SLC17A1: variants seen among roughly 807,000 people sequenced by gnomAD.
SLC17A1 encodes sodium-dependent phosphate transport protein 1.
SLC17A1 carries 51 observed loss-of-function variants against 53.5 expected under a neutral mutation model. That is an observed-to-expected ratio of 0.95 (90% CI 0.76 to 1.20). The LOEUF is 1.20. SLC17A1 is among the 50% of genes most tolerant of loss of function. The pLI, the probability that SLC17A1 is intolerant of heterozygous loss-of-function variation, is 0.00. For missense variants in SLC17A1, 538 were observed against 568.2 expected (o/e 0.95, Z 0.54); for synonymous variants, 179 against 198.8 (o/e 0.90, Z 0.84).
At chr6:25,743,771 T>C in the SLC17A1 span, among the ~76,000 whole-genome samples, 1 of 152,146 alleles carries the variant, frequency 6.6e-6, no homozygotes, top group Non-Finnish European at 1.5e-5. Flanking sequence ...TTAGGTAATG[T>C]TTCAAGGAGT....
the SLC17A1 span, among the ~76,000 whole-genome samples, chr6:25,745,301 T>C: frequency 6.6e-6 from 1 of 152,144 alleles, no homozygotes; most frequent in Non-Finnish European, 1.5e-5. Context: ...AACTTGCAAG[T>C]GGTACCATGG....
chr6:25,726,880 G>C, the SLC17A1 span: 2 of 1,592,956 alleles, frequency 1.3e-6, no homozygotes, highest in Non-Finnish European at 1.7e-6. Flanking sequence ...GAAAAGAACC[G>C]TGTAACGCTG....
intron 10 of SLC17A1, among the ~76,000 whole-genome samples, chr6:25,807,208 AAAAC>A (rs1561832347): frequency 2.0e-5 from 3 of 151,266 alleles, no homozygotes; most frequent in African/African-American, 7.3e-5. Flanking sequence ...AATCATTGTA[AAAAC>A]AAACAGACAA....
intron 12 of SLC17A1, among the ~76,000 whole-genome samples, chr6:25,798,292 A>G (rs1237955053): frequency 6.6e-6 from 1 of 152,216 alleles, no homozygotes; most frequent in African/African-American, 2.4e-5. Flanking sequence ...ACAGTATTAT[A>G]CCTTGAACAC....
chr6:25,784,793 A>G (rs905618297), intron 12 of SLC17A1, among the ~76,000 whole-genome samples: 1 of 152,184 alleles, frequency 6.6e-6, no homozygotes, highest in Non-Finnish European at 1.5e-5. Context: ...AAGAGAGTGT[A>G]GATGAAGAAA....
chr6:25,746,780 C>T, the SLC17A1 span, among the ~76,000 whole-genome samples: 12 of 152,294 alleles, frequency 7.9e-5, no homozygotes, highest in African/African-American at 2.6e-4. Flanking sequence ...GCTATTCCAA[C>T]CTTGCGTATC....
At chr6:25,761,911 A>G in the SLC17A1 span, 8 of 1,450,484 alleles carry the variant, frequency 5.5e-6, 1 homozygote, top group South Asian at 8.3e-5. Flanking sequence ...TTTCTTTTGT[A>G]TTCTTTTTAT....
At chr6:25,727,376 T>A in the SLC17A1 span, 1 of 1,301,240 alleles carries the variant, frequency 7.7e-7, no homozygotes, top group Non-Finnish European at 1.0e-6. Context: ...GGCTTCGTTT[T>A]TGTGTAGTTT....
chr6:25,765,000 C>G, the SLC17A1 span, among the ~76,000 whole-genome samples: 2 of 152,174 alleles, frequency 1.3e-5, no homozygotes, highest in Non-Finnish European at 2.9e-5. Flanking sequence ...ACCCCTGCCA[C>G]CAGCCCACCC....
chr6:25,742,177 T>G, the SLC17A1 span, among the ~76,000 whole-genome samples: 1 of 152,186 alleles, frequency 6.6e-6, no homozygotes, highest in African/African-American at 2.4e-5. Context: ...GCACAGAGAC[T>G]TCTGGGCTTG....
At chr6:25,726,219 A>G in the SLC17A1 span, 1 of 1,612,374 alleles carries the variant, frequency 6.2e-7, no homozygotes, top group African/African-American at 1.3e-5. Flanking sequence ...CGCCCTGGGC[A>G]ATGGTCACGC....
At chr6:25,800,487 A>C (rs1330035575) in intron 11 of SLC17A1, among the ~76,000 whole-genome samples, 1 of 151,982 alleles carries the variant, frequency 6.6e-6, no homozygotes, top group Non-Finnish European at 1.5e-5. Flanking sequence ...CAAAAACAGA[A>C]GTCTGCCTTC....
chr6:25,727,187 C>T, the SLC17A1 span: 7 of 1,614,144 alleles, frequency 4.3e-6, no homozygotes, highest in Non-Finnish European at 5.9e-6. Context: ...CCATTTCTTC[C>T]AGAGAGATTC....
chr6:25,816,462 A>G (rs1764360769), intron 6 of SLC17A1, among the ~76,000 whole-genome samples: 1 of 152,260 alleles, frequency 6.6e-6, no homozygotes, highest in Non-Finnish European at 1.5e-5. Flanking sequence ...AAGCAGAGCC[A>G]TGGGCTCTAC....
chr6:25,732,031 G>T, the SLC17A1 span: 1 of 1,442,520 alleles, frequency 6.9e-7, no homozygotes, highest in Non-Finnish European at 9.4e-7. Context: ...TGCTTCAGCA[G>T]CTTGTAGATG....
rs34669145 is a variant in SLC17A1, at chr6:25,802,935, C to CTTTTTTTTTTTTTTTTTTTTTTTTTTTT, written c.1179-1983_1179-1956dup. Among the ~76,000 whole-genome samples, 2 of 46,062 alleles carry CTTTTTTTTTTTTTTTTTTTTTTTTTTTT rather than the reference C, an allele frequency of 4.3e-5. 1 individual carries two copies. Among genetic ancestry groups the CTTTTTTTTTTTTTTTTTTTTTTTTTTTT allele is most frequent in the African/African-American group, 1.8e-4 (2 of 11,086 alleles). 30.2% of individuals were successfully genotyped at this position (46,062 alleles called of 152,430 possible). On this transcript the variant is annotated intron_variant, in intron 10 of 12. Transcript: ENST00000244527. Reference sequence around the variant, plus strand: ...ATGACGTTTTAACGACTATCTTCTTCTTTTTTTTTTTTTTTTTTTTTTTTT... The same window carrying CTTTTTTTTTTTTTTTTTTTTTTTTTTTT: ...ATGACGTTTTAACGACTATCTTCTTCTTTTTTTTTTTTTTTTTTTTTTTTTTTTTTTTTTTTTTTTTTTTTTTTTTTTT...
downstream of SLC17A1, chr6:25,779,582 A>G (rs886980715): frequency 5.9e-6 from 1 of 169,144 alleles, no homozygotes; most frequent in Non-Finnish European, 1.3e-5. Flanking sequence ...AGCCCCAAAC[A>G]ACAGAAAGCA....
intron 11 of SLC17A1, 80 bp downstream of exon 11, chr6:25,800,810 C>G (rs373966823): frequency 1.1e-6 from 1 of 896,826 alleles, no homozygotes; most frequent in Non-Finnish European, 1.8e-6. Context: ...CTGGCATCTT[C>G]TCTGCAATTT....
At chr6:25,808,259 T>C (rs1040984562) in intron 10 of SLC17A1, among the ~76,000 whole-genome samples, 9 of 152,094 alleles carry the variant, frequency 5.9e-5, no homozygotes, top group South Asian at 2.1e-4. Flanking sequence ...CCAAATGCCA[T>C]ATGTTTTTCA....
Sources: allele counts gnomAD v4.1 joint callset (sites outside exome capture counted in the v4.1 genomes callset), GRCh38; gene constraint gnomAD v4.1.1; transcripts MANE v1.5; gene names NCBI Gene and HGNC (gene_info 2026-07-23, HGNC 2026-07-21).